The following UGGT1 variants were observed in gnomAD, a reference collection of about 807,000 sequenced individuals.
The protein encoded by UGGT1 is UDP-glucose:glycoprotein glucosyltransferase 1.
Under a neutral mutation model 203.9 loss-of-function variants are expected in UGGT1, and 107 were observed. That is an observed-to-expected ratio of 0.52 (90% CI 0.45 to 0.62). UGGT1 has a LOEUF of 0.62. Ranked by LOEUF, UGGT1 falls within the 20% of genes least tolerant of loss-of-function variation. The probability of loss-of-function intolerance (pLI) is 0.00; values close to 1 mark genes in which losing one functional copy is unlikely to be tolerated. For synonymous variants in UGGT1, 628 were observed against 653.5 expected (o/e 0.96, Z 0.59); for missense variants, 1,673 against 1,867.2 (o/e 0.90, Z 1.92).
chr2:128,182,594 G>A (rs2104822830), intron 37 of UGGT1, among the ~76,000 whole-genome samples: 1 of 151,366 alleles, frequency 6.6e-6, no homozygotes, highest in Non-Finnish European at 1.5e-5. Flanking sequence ...AGCTACTCGG[G>A]AGGCTAAGGC....
chr2:128,167,547 G>A (rs1690856944), intron 26 of UGGT1, among the ~76,000 whole-genome samples: 1 of 152,202 alleles, frequency 6.6e-6, no homozygotes, highest in Admixed American at 6.5e-5. Flanking sequence ...TGAGGAATCA[G>A]CACCTGCATT....
In UGGT1 at chr2:128,192,451, CTG is replaced by C. The variant is rs1292139054; in HGVS notation, c.*2711_*2712del. 6.6e-6 allele frequency: 1 copy of C among 152,190 alleles called. No homozygotes were observed. The highest frequency in any genetic ancestry group is 2.4e-5 in the African/African-American group (1 of 41,452). 9.4% of individuals were successfully genotyped at this position (152,190 alleles called of 1,614,324 possible). ...GTGCTGAATGTTCAAACTCTGGAAA[CTG>C]TTCACAGTATGTTGTTCTTAGCTGT... is the stretch of plus-strand genomic sequence containing the variant. On this transcript the variant is annotated 3_prime_UTR_variant, in exon 41 of 41. Transcript: ENST00000259253.
Position 128,138,838 on chromosome 2 carries a change from C to T in UGGT1, c.1705C>T (p.Gln569Ter). The change falls in exon 16 of 41, where the codon CAG becomes TAG. Residue 569 changes from glutamine to a stop codon, truncating the protein, a stop_gained. Coordinates refer to ENST00000259253, the MANE Select transcript of UGGT1 (RefSeq NM_020120.4). LOFTEE classifies it high-confidence loss of function. ...AGAAGTGGATGATTATCATGCCTTC[C>T]AGACTCTGACACATGTACGTTTTTG... ...AQEVDDYHAF[Q>*]TLTHIYNKVR... 1 of 1,613,392 alleles carries T rather than the reference C, an allele frequency of 6.2e-7. No homozygotes were observed.
At chr2:128,093,212 A>AG (rs1686952397) in intron 1 of UGGT1, among the ~76,000 whole-genome samples, 1 of 151,836 alleles carries the variant, frequency 6.6e-6, no homozygotes, top group South Asian at 2.1e-4. Context: ...CTCCTTTTTG[A>AG]AAACAGTGTA....
rs891438117 is a variant in UGGT1 at position 128,166,524 on chromosome 2, G to A, written c.2921+1699G>A. Reference sequence around the variant, plus strand: ...ATCTTTGTAATGACCTTCTACAACTGTTTTTTGTATTTGTTTTGGTCCAGA... The same window carrying A: ...ATCTTTGTAATGACCTTCTACAACTATTTTTTGTATTTGTTTTGGTCCAGA... On this transcript the variant is annotated intron_variant, in intron 26 of 40. Transcript: ENST00000259253. 5.9e-5 allele frequency among the ~76,000 whole-genome samples: 9 copies of A among 152,102 alleles called. No homozygotes were observed. The East Asian group carries it at 1.7e-3, about 29-fold the overall frequency.
chr2:128,182,417 T>C, intron 37 of UGGT1, 127 bp downstream of exon 37: 1 of 1,246,608 alleles, frequency 8.0e-7, no homozygotes, highest in Middle Eastern at 2.3e-4. Flanking sequence ...AAATACACAG[T>C]GGCTGGGTGC....
At chr2:128,145,256 C>T (rs1410802716) in intron 17 of UGGT1, among the ~76,000 whole-genome samples, 1 of 152,142 alleles carries the variant, frequency 6.6e-6, no homozygotes, top group East Asian at 1.9e-4. Flanking sequence ...AACCTGTGCA[C>T]CTCATTTTGG....
At chr2:128,112,311 C>T (rs1170267036) in intron 5 of UGGT1, among the ~76,000 whole-genome samples, 1 of 148,450 alleles carries the variant, frequency 6.7e-6, no homozygotes, top group African/African-American at 2.5e-5. Flanking sequence ...ATCCCAGCTA[C>T]TGAGGAGGCT....
At chr2:128,124,428 C>G (rs1257731601) in intron 11 of UGGT1, among the ~76,000 whole-genome samples, 3 of 152,004 alleles carry the variant, frequency 2.0e-5, no homozygotes, top group African/African-American at 7.2e-5. Flanking sequence ...TTCTTTGACT[C>G]TAGCTATCTG....
At position 128,091,312 on chromosome 2, in the gene UGGT1, C is replaced by T. The variant is rs1686846750; in HGVS notation, c.-46C>T. 4 of 1,523,378 alleles carry T rather than the reference C, an allele frequency of 2.6e-6. No homozygotes were observed. In the African/African-American group the frequency reaches 5.7e-5, roughly 22 times the overall value. The allele number at this position is 1,523,378 out of a possible 1,614,324, so 94.4% of individuals were successfully genotyped here. A position where few individuals can be genotyped will look rare whatever the true frequency, so the allele number is the denominator to read the frequency against. On this transcript the variant is annotated 5_prime_UTR_variant, in exon 1 of 41. Transcript: ENST00000259253. ...CCGCTGCCGCCTCGCCCCGCCCTGC[C>T]CTGGCGTTGTCTCTGGCACTGTGGC...
At position 128,130,090 on chromosome 2, in the gene UGGT1, G is replaced by T. The variant is rs59475302; in HGVS notation, c.1377+911G>T. 2.4e-3 allele frequency among the ~76,000 whole-genome samples: 370 copies of T among 152,000 alleles called. 1 individual carries two copies. The highest frequency in any genetic ancestry group is 0.014 in the Middle Eastern group (4 of 292). ...AGCCTGGCCAACATGGTGAAACCCCGTCTGTACTCAAAATACAAAAATTAG... is the reference window on the plus strand; with the variant it reads ...AGCCTGGCCAACATGGTGAAACCCCTTCTGTACTCAAAATACAAAAATTAG... On this transcript the variant is annotated intron_variant, in intron 13 of 40. Coordinates refer to ENST00000259253, the MANE Select transcript of UGGT1 (RefSeq NM_020120.4).
chr2:128,126,573 G>A (rs1688609824), intron 11 of UGGT1, among the ~76,000 whole-genome samples: 1 of 151,704 alleles, frequency 6.6e-6, no homozygotes, highest in South Asian at 2.1e-4. Context: ...AAAGAGGGAA[G>A]CACACAAATT....
intron 10 of UGGT1, among the ~76,000 whole-genome samples, chr2:128,121,862 C>A (rs935356750): frequency 3.3e-5 from 5 of 152,222 alleles, no homozygotes; most frequent in African/African-American, 7.2e-5. Flanking sequence ...TGCAAATAAA[C>A]AACCTCAGTT....
chr2:128,107,878 A>C, intron 3 of UGGT1, 60 bp from the exon 4 acceptor site: 1 of 1,605,778 alleles, frequency 6.2e-7, no homozygotes, highest in Non-Finnish European at 8.5e-7. Context: ...TTCATGAACT[A>C]TCTTCTTTAG....
chr2:128,126,125 G>C (rs1004410584), intron 11 of UGGT1, among the ~76,000 whole-genome samples: 1 of 150,846 alleles, frequency 6.6e-6, no homozygotes, highest in African/African-American at 2.4e-5. Context: ...TATATTTTTA[G>C]TAGAGACGGG....
intron 2 of UGGT1, among the ~76,000 whole-genome samples, chr2:128,098,705 C>T (rs780854406): frequency 2.7e-5 from 4 of 149,512 alleles, no homozygotes; most frequent in Admixed American, 6.7e-5. Context: ...GCCCAGATCA[C>T]GCCATTGCAG....
chr2:128,142,045 G>GAT (rs1211350913), intron 16 of UGGT1, among the ~76,000 whole-genome samples: 1 of 151,808 alleles, frequency 6.6e-6, no homozygotes, highest in Non-Finnish European at 1.5e-5. Context: ...GGGTTTAAGG[G>GAT]ATTCGCCTGC....
intron 2 of UGGT1, 47 bp from the exon 3 acceptor site, chr2:128,103,885 A>T: frequency 3.5e-6 from 5 of 1,422,452 alleles, no homozygotes; most frequent in Middle Eastern, 2.5e-4. Context: ...TATAGTTTAT[A>T]TTAGAAAATT....
At chr2:128,103,167 T>C (rs1687457985) in intron 2 of UGGT1, 4 of 467,914 alleles carry the variant, frequency 8.5e-6, no homozygotes, top group Non-Finnish European at 1.8e-5. Flanking sequence ...TCCAGATCTG[T>C]AGTTTGCTTT....
Sources: allele counts gnomAD v4.1 joint callset (sites outside exome capture counted in the v4.1 genomes callset), GRCh38; gene constraint gnomAD v4.1.1; transcripts MANE v1.5; gene names NCBI Gene and HGNC (gene_info 2026-07-23, HGNC 2026-07-21).